ARHGEF12: variants seen among roughly 807,000 people sequenced by gnomAD.
ARHGEF12 encodes the protein Rho guanine nucleotide exchange factor 12.
A neutral mutation model predicts 211.2 loss-of-function variants in ARHGEF12; 66 were observed. That is an observed-to-expected ratio of 0.31 (90% confidence interval 0.26 to 0.38). ARHGEF12 has a LOEUF of 0.38. Ranked by LOEUF, ARHGEF12 falls within the 10% of genes least tolerant of loss-of-function variation. ARHGEF12 has a pLI of 1.00. For missense variants in ARHGEF12, 1,429 were observed against 1,869.5 expected, an observed-to-expected ratio of 0.76 and a Z score of 4.34; for synonymous variants, 592 against 638.4, an observed-to-expected ratio of 0.93 and a Z score of 1.09.
In ARHGEF12 at chr11:120,424,344, TC is replaced by T. The variant is rs777790316; in HGVS notation, c.349-13del. On this transcript the variant is annotated splice_polypyrimidine_tract_variant and intron_variant, in intron 6 of 40. Coordinates refer to ENST00000397843, the MANE Select transcript of ARHGEF12 (RefSeq NM_015313.3). ...AGAATGTATCTGACATACACTACTT[TC>T]GTTTTCTTACAGGTGAATGGAACTC... 1.9e-6 allele frequency: 3 copies of T among 1,609,158 alleles called. No individual in the cohort carries two copies. Among genetic ancestry groups the T allele is most frequent in the Admixed American group, 3.3e-5 (2 of 59,834 alleles).
intron 1 of ARHGEF12, among the ~76,000 whole-genome samples, chr11:120,339,561 C>T (rs1278662387): frequency 6.6e-6 from 1 of 152,182 alleles, no homozygotes; most frequent in Non-Finnish European, 1.5e-5. Context: ...GTTTGAAGTG[C>T]TGTATGTGGT....
chr11:120,429,838 T>A lies in ARHGEF12; in HGVS notation c.783+7T>A, dbSNP rs763727533. 2.5e-6 allele frequency: 4 copies of A among 1,608,468 alleles called. No individual in the cohort carries two copies. The East Asian group carries it at 8.9e-5, about 36-fold the overall frequency. Reference sequence around the variant, plus strand: ...AGCCACAGGCTCTGCTCAGGTAGCATCACTATTACAAGTGCTACCCAACTT... The same window carrying A: ...AGCCACAGGCTCTGCTCAGGTAGCAACACTATTACAAGTGCTACCCAACTT... On this transcript the variant is annotated splice_region_variant and intron_variant, in intron 10 of 40. Coordinates refer to ENST00000397843, the MANE Select transcript of ARHGEF12 (RefSeq NM_015313.3).
At chr11:120,461,677 C>A (rs548955663) in intron 27 of ARHGEF12, among the ~76,000 whole-genome samples, 58 of 152,332 alleles carry the variant, frequency 3.8e-4, no homozygotes, top group African/African-American at 1.2e-3. Context: ...AAGGCTATTT[C>A]ATCTACATTG....
rs542028800 is a variant in ARHGEF12, at chr11:120,473,501, C to T, written c.3033+374C>T. On this transcript the variant is annotated intron_variant, in intron 31 of 40. Coordinates refer to ENST00000397843, the MANE Select transcript of ARHGEF12 (RefSeq NM_015313.3). Reference sequence around the variant, plus strand: ...CACTGAAGCCTTGGCCTCCTGGACTCAGGCAGTCCACCCACCTCAGCCTCC... The same window carrying T: ...CACTGAAGCCTTGGCCTCCTGGACTTAGGCAGTCCACCCACCTCAGCCTCC... Among the ~76,000 whole-genome samples, 9 of 152,254 alleles carry T rather than the reference C, an allele frequency of 5.9e-5. No homozygotes were observed. In the South Asian group the frequency reaches 1.9e-3, roughly 32 times the overall value.
intron 11 of ARHGEF12, 28 bp from the exon 12 acceptor site, chr11:120,437,280 G>C: frequency 6.5e-7 from 1 of 1,540,004 alleles, no homozygotes; most frequent in Non-Finnish European, 8.9e-7. Context: ...CTATTGAAAT[G>C]AACTGAAGAT....
intron 27 of ARHGEF12, chr11:120,462,539 C>G (rs1448371570): frequency 6.6e-6 from 1 of 152,072 alleles, no homozygotes; most frequent in East Asian, 1.9e-4. Context: ...TTGCCATCAA[C>G]CTTCAATTTG....
chr11:120,446,862 A>G (rs1946062493), intron 17 of ARHGEF12, 86 bp from the exon 18 acceptor site: 2 of 1,483,584 alleles, frequency 1.3e-6, no homozygotes, highest in Non-Finnish European at 9.1e-7. Flanking sequence ...CCTAGAAACC[A>G]TAGCTGTGAA....
intron 26 of ARHGEF12, among the ~76,000 whole-genome samples, chr11:120,459,732 G>A (rs953908105): frequency 5.3e-5 from 8 of 151,946 alleles, no homozygotes; most frequent in African/African-American, 1.9e-4. Context: ...TTTTTGAGAT[G>A]GAGTCTCGCT....
chr11:120,410,347 A>T (rs1944844439), intron 4 of ARHGEF12: 1 of 149,866 alleles, frequency 6.7e-6, no homozygotes, highest in Non-Finnish European at 1.5e-5. Context: ...GAGAGGAATT[A>T]CCTGGAGCTA....
intron 1 of ARHGEF12, chr11:120,405,887 A>G (rs1944689402): frequency 7.4e-6 from 3 of 403,650 alleles, no homozygotes; most frequent in Non-Finnish European, 1.3e-5. Flanking sequence ...GAAAAGCTAT[A>G]TTCTAGGACA....
intron 1 of ARHGEF12, among the ~76,000 whole-genome samples, chr11:120,372,554 CAAAGGAA>C (rs1943618521): frequency 6.6e-6 from 1 of 152,006 alleles, no homozygotes. Flanking sequence ...GGCAAGTAAC[CAAAGGAA>C]TCCTAGGTTA....
chr11:120,485,270 G>T lies in ARHGEF12; in HGVS notation c.*193G>T. The stretch of plus-strand genomic sequence containing the variant: ...CACAGTGTGGCAGCTGCACTAATCT[G>T]TTTGTGAGGGAATATCCATTCCCTC... On this transcript the variant is annotated 3_prime_UTR_variant, in exon 41 of 41. Coordinates refer to ENST00000397843, the MANE Select transcript of ARHGEF12 (RefSeq NM_015313.3). 1 of 569,744 alleles carries T rather than the reference G, an allele frequency of 1.8e-6. No individual in the cohort carries two copies. Among genetic ancestry groups the T allele is most frequent in the Non-Finnish European group, 3.1e-6 (1 of 319,184 alleles). The allele number at this position is 569,744 out of a possible 1,614,324, so 35.3% of individuals were successfully genotyped here. A position where few individuals can be genotyped will look rare whatever the true frequency, so the allele number is the denominator to read the frequency against.
chr11:120,391,267 G>T (rs1944208498), intron 1 of ARHGEF12, among the ~76,000 whole-genome samples: 1 of 152,128 alleles, frequency 6.6e-6, no homozygotes, highest in South Asian at 2.1e-4. Flanking sequence ...TCCACAGAAT[G>T]ATTTTTTTCT....
At chr11:120,339,164 C>A (rs991748969) in intron 1 of ARHGEF12, among the ~76,000 whole-genome samples, 1 of 151,416 alleles carries the variant, frequency 6.6e-6, no homozygotes, top group African/African-American at 2.4e-5. Context: ...AAAGAAAAGA[C>A]CTTGGAAAGC....
At chr11:120,343,683 G>A (rs1159205806) in intron 1 of ARHGEF12, among the ~76,000 whole-genome samples, 1 of 152,152 alleles carries the variant, frequency 6.6e-6, no homozygotes, top group Admixed American at 6.5e-5. Context: ...AAATCTACTG[G>A]CCAATGAAAA....
At chr11:120,475,094 T>C (rs1226992197) in intron 32 of ARHGEF12, among the ~76,000 whole-genome samples, 1 of 152,228 alleles carries the variant, frequency 6.6e-6, no homozygotes, top group Admixed American at 6.5e-5. Context: ...TAGCCGGGAC[T>C]ATAGGCGCAC....
At chr11:120,359,470 C>T (rs561013243) in intron 1 of ARHGEF12, among the ~76,000 whole-genome samples, 19 of 151,998 alleles carry the variant, frequency 1.3e-4, no homozygotes, top group Admixed American at 7.9e-4. Flanking sequence ...TCAAATTCCT[C>T]GGCACAAGTG....
chr11:120,476,252 T>C (rs1947024716), intron 33 of ARHGEF12: 1 of 156,764 alleles, frequency 6.4e-6, no homozygotes, highest in Non-Finnish European at 1.4e-5. Context: ...TTTTGTTTTA[T>C]GTAGAGGCAG....
At chr11:120,405,959 G>A in intron 1 of ARHGEF12, 159 bp from the exon 2 acceptor site, 1 of 565,102 alleles carries the variant, frequency 1.8e-6, no homozygotes, top group Non-Finnish European at 3.0e-6. Context: ...CTTAAACATG[G>A]TGTTCAACTT....
Sources: gnomAD v4.1 joint callset for allele counts (sites outside exome capture counted in the v4.1 genomes callset) on GRCh38, gnomAD v4.1.1 for gene constraint, MANE v1.5 for transcripts, NCBI Gene and HGNC (gene_info 2026-07-23, HGNC 2026-07-21) for gene names.